The following NCKAP5 variants were observed in gnomAD, a reference collection of about 807,000 sequenced individuals.
NCKAP5 encodes the protein nck-associated protein 5.
In NCKAP5, 92 loss-of-function variants were observed where a neutral mutation model predicts 167.0. That is an observed-to-expected ratio of 0.55 (90% confidence interval 0.47 to 0.66). The LOEUF (loss-of-function observed/expected upper bound fraction) is 0.66. Among genes scored for constraint, NCKAP5 ranks in the 30% least tolerant of loss-of-function variants. NCKAP5 has a pLI of 0.00. For synonymous variants in NCKAP5, 891 were observed against 877.4 expected, an observed-to-expected ratio of 1.02 and a Z score of -0.27; for missense variants, 2,378 against 2,315.0, an observed-to-expected ratio of 1.03 and a Z score of -0.56.
At chr2:133,145,809 C>G (rs577219789) in intron 5 of NCKAP5, among the ~76,000 whole-genome samples, 1 of 152,184 alleles carries the variant, frequency 6.6e-6, no homozygotes, top group South Asian at 2.1e-4. Context: ...TGACAAACAA[C>G]TCTGCAGCAC....
intron 11 of NCKAP5, among the ~76,000 whole-genome samples, chr2:132,802,072 C>T (rs1558798880): frequency 6.6e-6 from 1 of 152,160 alleles, no homozygotes; most frequent in Admixed American, 6.5e-5. Flanking sequence ...GCCACTGCAC[C>T]CAGCCCCTCC....
chr2:132,967,162 TACACACACACACACACACAC>T (rs149896546), intron 7 of NCKAP5, among the ~76,000 whole-genome samples: 6 of 141,844 alleles, frequency 4.2e-5, no homozygotes, highest in Non-Finnish European at 7.7e-5. Flanking sequence ...TGCCCTATCG[TACACACACACACACACACAC>T]ACACACACAC....
At chr2:133,324,081 C>T (rs1043420539) in intron 3 of NCKAP5, among the ~76,000 whole-genome samples, 16 of 152,298 alleles carry the variant, frequency 1.1e-4, no homozygotes, top group African/African-American at 3.9e-4. Flanking sequence ...TCCTTTGGCT[C>T]CGGGAGGTTT....
At chr2:133,051,563 C>A (rs1472401500) in intron 6 of NCKAP5, among the ~76,000 whole-genome samples, 1 of 152,138 alleles carries the variant, frequency 6.6e-6, no homozygotes, top group Non-Finnish European at 1.5e-5. Flanking sequence ...CTAGCATTCA[C>A]AGGATGCCGA....
At position 132,783,358 on chromosome 2, in the gene NCKAP5, T is replaced by A. The variant is rs1449986212; in HGVS notation, c.3453A>T (p.Lys1151Asn). 6.2e-7 allele frequency: 1 copy of A among 1,611,818 alleles called. No individual in the cohort carries two copies. Among genetic ancestry groups the A allele is most frequent in the Non-Finnish European group, 8.5e-7 (1 of 1,179,084 alleles). Residue 1151 changes from lysine to asparagine, a missense_variant, in exon 14 of 20, where the codon AAA becomes AAT. Lys to Asn is a moderately conservative substitution (Grantham distance 94). Transcript: ENST00000409261. Reference protein sequence around the residue: ...GLKTRLPVGLKVLMKSPQLLR... With the variant: ...GLKTRLPVGLNVLMKSPQLLR... Reference sequence around the variant, plus strand: ...GCAGCTGGGGAGACTTCATGAGCACTTTGAGTCCCACTGGAAGGCGAGTTT... The same window carrying A: ...GCAGCTGGGGAGACTTCATGAGCACATTGAGTCCCACTGGAAGGCGAGTTT...
chr2:133,094,501 T>G (rs955857336), intron 6 of NCKAP5, among the ~76,000 whole-genome samples: 1 of 152,176 alleles, frequency 6.6e-6, no homozygotes, highest in African/African-American at 2.4e-5. Flanking sequence ...TTTAGTAGTC[T>G]CATTGCAGGT....
chr2:133,186,732 T>C (rs923361907), intron 5 of NCKAP5, among the ~76,000 whole-genome samples: 1 of 152,076 alleles, frequency 6.6e-6, no homozygotes, highest in African/African-American at 2.4e-5. Flanking sequence ...TTCTAATACG[T>C]GTGCAGAGAG....
chr2:133,664,217 T>A, the NCKAP5 span, among the ~76,000 whole-genome samples: 14 of 152,286 alleles, frequency 9.2e-5, no homozygotes, highest in South Asian at 4.1e-4. Flanking sequence ...TAGTAAGTCA[T>A]GCTATAAACA....
chr2:133,330,301 T>C lies in NCKAP5; in HGVS notation c.70-27191A>G, dbSNP rs146407176. On this transcript the variant is annotated intron_variant, in intron 3 of 19. Transcript: ENST00000409261. ...GGTTTCACCATGTGTCACAGGCTGG[T>C]CTCAATCCCCTGGGCTCAAGTGATC... Among the ~76,000 whole-genome samples, 981 of 135,074 alleles carry C rather than the reference T, an allele frequency of 7.3e-3. 14 individuals carry two copies. Among genetic ancestry groups the C allele is most frequent in the African/African-American group, 0.024 (859 of 36,256 alleles). 88.6% of individuals were successfully genotyped at this position (135,074 alleles called of 152,430 possible). A position where few individuals can be genotyped will look rare whatever the true frequency, so the allele number is the denominator to read the frequency against.
At chr2:133,220,467 A>G (rs2086614836) in intron 4 of NCKAP5, among the ~76,000 whole-genome samples, 1 of 152,170 alleles carries the variant, frequency 6.6e-6, no homozygotes, top group African/African-American at 2.4e-5. Flanking sequence ...CAAATGGACA[A>G]TTAGTTCCAG....
chr2:133,488,578 T>C (rs1160873702), intron 3 of NCKAP5, among the ~76,000 whole-genome samples: 2 of 151,940 alleles, frequency 1.3e-5, no homozygotes, highest in Non-Finnish European at 2.9e-5. Context: ...GCAGGCTGAG[T>C]ACAGTGGCAC....
chr2:132,845,743 A>G (rs759778379), intron 11 of NCKAP5, among the ~76,000 whole-genome samples: 24 of 152,164 alleles, frequency 1.6e-4, no homozygotes, highest in Middle Eastern at 6.8e-3. Flanking sequence ...TTTATTTTCA[A>G]CGCTTACTTG....
At chr2:133,162,142 C>T (rs1242560286) in intron 5 of NCKAP5, among the ~76,000 whole-genome samples, 2 of 152,208 alleles carry the variant, frequency 1.3e-5, no homozygotes, top group Non-Finnish European at 2.9e-5. Context: ...GTGTTTTTCA[C>T]ACCATACCAC....
chr2:133,647,361 AAGGAAGG>A, the NCKAP5 span, among the ~76,000 whole-genome samples: 443 of 101,700 alleles, frequency 4.4e-3, 27 homozygotes, highest in African/African-American at 0.022. Context: ...GAAAGAAAGG[AAGGAAGG>A]AAGAAAGAAA....
chr2:133,529,902 T>C (rs1339391180), intron 2 of NCKAP5, among the ~76,000 whole-genome samples: 1 of 152,162 alleles, frequency 6.6e-6, no homozygotes, highest in Non-Finnish European at 1.5e-5. Flanking sequence ...TCTGAATACA[T>C]TTTGAATATT....
chr2:133,670,226 G>T, the NCKAP5 span, among the ~76,000 whole-genome samples: 1 of 152,168 alleles, frequency 6.6e-6, no homozygotes, highest in African/African-American at 2.4e-5. Context: ...GAATAAATGG[G>T]ATAATGCATG....
intron 8 of NCKAP5, among the ~76,000 whole-genome samples, chr2:132,953,072 C>T (rs183530638): frequency 5.3e-4 from 81 of 152,240 alleles, no homozygotes; most frequent in Non-Finnish European, 1.8e-4. Context: ...ATAGGTAGTT[C>T]CATGTACTAC....
In NCKAP5 at chr2:132,796,866, T is replaced by C. The variant is rs529625470; in HGVS notation, c.808-137A>G. 42 of 621,580 alleles carry C rather than the reference T, an allele frequency of 6.8e-5. No individual in the cohort carries two copies. In the African/African-American group the frequency reaches 7.2e-4, roughly 11 times the overall value. 38.5% of individuals were successfully genotyped at this position (621,580 alleles called of 1,614,324 possible). On this transcript the variant is annotated intron_variant, in intron 11 of 19. Transcript: ENST00000409261. ...ACATGTCCTAATTAAAAAAAGTTTATTCTAGTTTATCAGTGTTCCCATACA... is the reference window on the plus strand; with the variant it reads ...ACATGTCCTAATTAAAAAAAGTTTACTCTAGTTTATCAGTGTTCCCATACA...
At chr2:133,663,098 C>A in the NCKAP5 span, among the ~76,000 whole-genome samples, 1 of 151,944 alleles carries the variant, frequency 6.6e-6, no homozygotes, top group African/African-American at 2.4e-5. Flanking sequence ...AACCCCGTCT[C>A]TACTAAAAAT....
Sources: allele counts gnomAD v4.1 joint callset (sites outside exome capture counted in the v4.1 genomes callset), GRCh38; gene constraint gnomAD v4.1.1; transcripts MANE v1.5; gene names NCBI Gene and HGNC (gene_info 2026-07-23, HGNC 2026-07-21).